CENPP: variants seen among roughly 807,000 people sequenced by gnomAD.
The protein encoded by CENPP is centromere protein P.
A neutral mutation model predicts 35.6 loss-of-function variants in CENPP; 24 were observed. That is an observed-to-expected ratio of 0.67 (90% confidence interval 0.49 to 0.95). The LOEUF (loss-of-function observed/expected upper bound fraction) is 0.95, where lower values mean the gene tolerates loss of function less well. Among genes scored for constraint, CENPP ranks in the 40% least tolerant of loss-of-function variants. The pLI is 0.00. For missense variants in CENPP, 332 were observed against 345.3 expected, an observed-to-expected ratio of 0.96 and a Z score of 0.31; for synonymous variants, 120 against 125.5, an observed-to-expected ratio of 0.96 and a Z score of 0.29.
intron 4 of CENPP, among the ~76,000 whole-genome samples, chr9:92,367,588 TA>T (rs764825134): frequency 5.9e-5 from 9 of 152,182 alleles, no homozygotes; most frequent in Non-Finnish European, 1.0e-4. Context: ...CCTAAAAAAA[TA>T]AAATACAGTA....
chr9:92,461,970 CTTTCTTTTCT>C (rs962657875), intron 5 of CENPP, among the ~76,000 whole-genome samples: 3 of 151,614 alleles, frequency 2.0e-5, no homozygotes, highest in Admixed American at 6.6e-5. Flanking sequence ...AGTATTTATT[CTTTCTTTTCT>C]TTTCTTTTCT....
intron 5 of CENPP, among the ~76,000 whole-genome samples, chr9:92,410,660 A>G (rs1843421246): frequency 6.6e-6 from 1 of 152,202 alleles, no homozygotes; most frequent in Non-Finnish European, 1.5e-5. Flanking sequence ...GAAGGAACCC[A>G]AAGAGATGCT....
chr9:92,355,933 G>C (rs190983089), intron 4 of CENPP, among the ~76,000 whole-genome samples: 2 of 152,292 alleles, frequency 1.3e-5, no homozygotes, highest in African/African-American at 4.8e-5. Context: ...GGAGTCTTCT[G>C]TGTATTAATA....
At chr9:92,332,453 A>G in intron 2 of CENPP, 102 bp downstream of exon 2, 2 of 802,666 alleles carry the variant, frequency 2.5e-6, no homozygotes, top group South Asian at 4.9e-5. Flanking sequence ...CAAGGTAAGT[A>G]TTTGAAAGTA....
Position 92,388,017 on chromosome 9 carries a change from G to A in CENPP, c.564+8158G>A, listed in dbSNP as rs189809775. Among the ~76,000 whole-genome samples, 59 of 151,704 alleles carry A rather than the reference G, an allele frequency of 3.9e-4. 2 individuals are homozygous for A. The highest frequency in any genetic ancestry group is 3.5e-3 in the Admixed American group (54 of 15,236). On this transcript the variant is annotated intron_variant, in intron 5 of 7. Coordinates refer to ENST00000375587, the MANE Select transcript of CENPP (RefSeq NM_001012267.3). ...GAGCTCAGGCAATCTGCCCGCCTTGGCCTCCCAAAGTGCTAGGATTACAGG... is the reference window on the plus strand; with the variant it reads ...GAGCTCAGGCAATCTGCCCGCCTTGACCTCCCAAAGTGCTAGGATTACAGG...
At chr9:92,387,657 T>C (rs1050897844) in intron 5 of CENPP, among the ~76,000 whole-genome samples, 5 of 152,216 alleles carry the variant, frequency 3.3e-5, no homozygotes, top group Non-Finnish European at 7.3e-5. Flanking sequence ...CAAGCTCTTG[T>C]CTTCCCAGTG....
intron 5 of CENPP, among the ~76,000 whole-genome samples, chr9:92,466,050 C>T (rs1279209936): frequency 1.3e-5 from 2 of 152,112 alleles, no homozygotes; most frequent in Non-Finnish European, 2.9e-5. Flanking sequence ...CCAGGCTAGT[C>T]TCAAACTCCT....
At chr9:92,420,158 T>C (rs1462071606) in intron 5 of CENPP, among the ~76,000 whole-genome samples, 1 of 152,146 alleles carries the variant, frequency 6.6e-6, no homozygotes, top group Non-Finnish European at 1.5e-5. Context: ...CTTCATACTC[T>C]TCATTTTGAG....
At chr9:92,533,328 A>AATATATATATATATATATATAT (rs202147064) in intron 5 of CENPP, among the ~76,000 whole-genome samples, 1 of 38,326 alleles carries the variant, frequency 2.6e-5, no homozygotes, top group African/African-American at 1.5e-4. Flanking sequence ...AAAAAAAAAA[A>AATATATATATATATATATATAT]ATATATATAT....
chr9:92,441,995 G>A (rs1279896469), intron 5 of CENPP, among the ~76,000 whole-genome samples: 1 of 151,980 alleles, frequency 6.6e-6, no homozygotes, highest in Non-Finnish European at 1.5e-5. Context: ...TTCTAAGGCC[G>A]AAATAACCCC....
At chr9:92,438,177 TC>T (rs1844294721) in intron 5 of CENPP, among the ~76,000 whole-genome samples, 1 of 152,186 alleles carries the variant, frequency 6.6e-6, no homozygotes, top group Non-Finnish European at 1.5e-5. Context: ...TTGCCTCAGG[TC>T]TTAAATATTT....
intron 5 of CENPP, among the ~76,000 whole-genome samples, chr9:92,552,157 A>G (rs889102672): frequency 7.8e-5 from 11 of 140,578 alleles, no homozygotes; most frequent in African/African-American, 3.1e-4. Context: ...TGATAGATCT[A>G]TCATATATAT....
chr9:92,417,004 T>A (rs756395259), intron 5 of CENPP: 32 of 1,613,950 alleles, frequency 2.0e-5, no homozygotes, highest in Non-Finnish European at 2.5e-5. Flanking sequence ...TCAAGTTTAC[T>A]AGCCCATCCA....
rs3078372 is a variant in CENPP, at chr9:92,474,742, CTCATCA to C, written c.564+94922_564+94927del. On this transcript the variant is annotated intron_variant, in intron 5 of 7. Transcript: ENST00000375587. ...CTCTTGTTGGAAAAAGAGAGTTGTC[CTCATCA>C]TCATCATCATCATCATCATCATCAT... is the stretch of plus-strand genomic sequence containing the variant. 0.058 allele frequency: 85,246 copies of C among 1,468,376 alleles called. 2,230 individuals carry two copies. The highest frequency in any genetic ancestry group is 0.19 in the East Asian group (7,512 of 39,294). The allele number at this position is 1,468,376 out of a possible 1,614,324, so 91.0% of individuals were successfully genotyped here.
chr9:92,462,983 C>T (rs1845173568), intron 5 of CENPP, among the ~76,000 whole-genome samples: 1 of 152,148 alleles, frequency 6.6e-6, no homozygotes, highest in Non-Finnish European at 1.5e-5. Flanking sequence ...TGTTGTGTCC[C>T]TTAGGAAATG....
chr9:92,451,678 T>C (rs1161922024), intron 5 of CENPP, among the ~76,000 whole-genome samples: 1 of 151,510 alleles, frequency 6.6e-6, no homozygotes, highest in Non-Finnish European at 1.5e-5. Flanking sequence ...AATCTATAAA[T>C]TACCTTGGGC....
At chr9:92,599,439 C>A (rs1850856519) in intron 5 of CENPP, among the ~76,000 whole-genome samples, 1 of 152,016 alleles carries the variant, frequency 6.6e-6, no homozygotes, top group Non-Finnish European at 1.5e-5. Context: ...TTGTTTGAGA[C>A]AGAGTATCCC....
intron 5 of CENPP, chr9:92,464,741 G>A: frequency 1.4e-6 from 1 of 698,140 alleles, no homozygotes; most frequent in South Asian, 1.5e-5. Flanking sequence ...GCTTAATTCT[G>A]TCAGGAAAAA....
At position 92,532,021 on chromosome 9, in the gene CENPP, T is replaced by A. The variant is rs910066314; in HGVS notation, c.565-79293T>A. Reference sequence around the variant, plus strand: ...TTTTCTTTTTTTATTTAATGTTTTTTTTTTTTTATTTTATTTTTTTTTTGA... The same window carrying A: ...TTTTCTTTTTTTATTTAATGTTTTTATTTTTTTATTTTATTTTTTTTTTGA... On this transcript the variant is annotated intron_variant, in intron 5 of 7. Coordinates refer to ENST00000375587, the MANE Select transcript of CENPP (RefSeq NM_001012267.3). Among the ~76,000 whole-genome samples the A allele has an allele frequency of 3.5e-4, 44 of 127,256 alleles. 1 individual carries two copies. The highest frequency in any genetic ancestry group is 2.6e-3 in the East Asian group (13 of 4,924). The allele number at this position is 127,256 out of a possible 152,430, so 83.5% of individuals were successfully genotyped here. A position where few individuals can be genotyped will look rare whatever the true frequency, so the allele number is the denominator to read the frequency against.
Sources: allele counts gnomAD v4.1 joint callset (sites outside exome capture counted in the v4.1 genomes callset), GRCh38; gene constraint gnomAD v4.1.1; transcripts MANE v1.5; gene names NCBI Gene and HGNC (gene_info 2026-07-23, HGNC 2026-07-21).